Variants in CAMKMT observed in about 807,000 individuals in gnomAD.
CAMKMT encodes CaM KMT.
Under a neutral mutation model 48.0 loss-of-function variants are expected in CAMKMT, and 53 were observed. That is an observed-to-expected ratio of 1.10 (90% confidence interval 0.89 to 1.39). The LOEUF (loss-of-function observed/expected upper bound fraction) is 1.39, where lower values mean the gene tolerates loss of function less well. Ranked by LOEUF, CAMKMT falls within the 40% of genes most tolerant of loss-of-function variation. The pLI is 0.00. For missense variants in CAMKMT, 428 were observed against 402.7 expected, an observed-to-expected ratio of 1.06 and a Z score of -0.54; for synonymous variants, 165 against 152.3, an observed-to-expected ratio of 1.08 and a Z score of -0.61.
In CAMKMT at chr2:44,706,243, C is replaced by A. The variant is rs776668643; in HGVS notation, c.438-44C>A. On this transcript the variant is annotated intron_variant, in intron 4 of 10. Coordinates refer to ENST00000378494, the MANE Select transcript of CAMKMT (RefSeq NM_024766.5). ...ACATATATCTCTCTCTGACCATTTT[C>A]ATCTAATTTGTATGGGTTCTACCAT... 4 of 1,598,308 alleles carry A rather than the reference C, an allele frequency of 2.5e-6. No homozygotes were observed. In the East Asian group the frequency reaches 6.7e-5, roughly 27 times the overall value.
At chr2:44,675,704 AG>A (rs1675647304) in intron 3 of CAMKMT, among the ~76,000 whole-genome samples, 1 of 152,164 alleles carries the variant, frequency 6.6e-6, no homozygotes, top group African/African-American at 2.4e-5. Context: ...CATCATTTTA[AG>A]TGTACAGTTC....
At chr2:44,406,374 A>T (rs912883114) in intron 3 of CAMKMT, among the ~76,000 whole-genome samples, 2 of 152,088 alleles carry the variant, frequency 1.3e-5, no homozygotes, top group African/African-American at 4.8e-5. Context: ...GAGTTATAAT[A>T]AGTTTGATTT....
intron 3 of CAMKMT, among the ~76,000 whole-genome samples, chr2:44,554,648 A>T (rs1344999173): frequency 1.3e-5 from 2 of 152,132 alleles, no homozygotes; most frequent in African/African-American, 4.8e-5. Flanking sequence ...AGGTGGGAGG[A>T]TCACTTGAGC....
chr2:44,444,994 A>T (rs1045996061), intron 3 of CAMKMT, among the ~76,000 whole-genome samples: 1 of 152,184 alleles, frequency 6.6e-6, no homozygotes, highest in African/African-American at 2.4e-5. Context: ...AGAAAACTGG[A>T]TCTAAGGGAT....
chr2:44,472,009 AGGGGTTGGT>A (rs1668445040), intron 3 of CAMKMT, among the ~76,000 whole-genome samples: 1 of 152,154 alleles, frequency 6.6e-6, no homozygotes, highest in Non-Finnish European at 1.5e-5. Context: ...TAGTACTTTA[AGGGGTTGGT>A]ATGAAGATTT....
At chr2:44,740,315 C>T (rs577645515) in intron 7 of CAMKMT, among the ~76,000 whole-genome samples, 9 of 151,534 alleles carry the variant, frequency 5.9e-5, no homozygotes, top group East Asian at 5.8e-4. Flanking sequence ...TTTTTAGCAG[C>T]GAGGGGGTAT....
chr2:44,555,826 T>C (rs1019964669), intron 3 of CAMKMT, among the ~76,000 whole-genome samples: 2 of 152,068 alleles, frequency 1.3e-5, no homozygotes, highest in Admixed American at 1.3e-4. Flanking sequence ...TGGCCAACCA[T>C]GTCAAATCCT....
At chr2:44,504,739 G>A (rs1284980340) in intron 3 of CAMKMT, among the ~76,000 whole-genome samples, 1 of 152,110 alleles carries the variant, frequency 6.6e-6, no homozygotes, top group Non-Finnish European at 1.5e-5. Flanking sequence ...ATCTCTTAAT[G>A]TGCTTATTTT....
At chr2:44,647,080 C>G in intron 3 of CAMKMT, among the ~76,000 whole-genome samples, 1 of 152,096 alleles carries the variant, frequency 6.6e-6, no homozygotes, top group Non-Finnish European at 1.5e-5. Context: ...GGGCAGAACA[C>G]GAGGTCAGGA....
intron 3 of CAMKMT, among the ~76,000 whole-genome samples, chr2:44,490,755 TA>T (rs567004073): frequency 7.9e-5 from 12 of 152,192 alleles, no homozygotes; most frequent in Non-Finnish European, 1.6e-4. Flanking sequence ...CAATAAGATC[TA>T]AATTCAGCTT....
chr2:44,449,328 A>G (rs1667169675), intron 3 of CAMKMT, among the ~76,000 whole-genome samples: 1 of 152,122 alleles, frequency 6.6e-6, no homozygotes, highest in East Asian at 1.9e-4. Flanking sequence ...AAACCCATGC[A>G]TGTTATTTCA....
At chr2:44,373,319 C>T (rs913916253) in intron 2 of CAMKMT, among the ~76,000 whole-genome samples, 2 of 152,064 alleles carry the variant, frequency 1.3e-5, no homozygotes, top group Non-Finnish European at 2.9e-5. Context: ...AGAATAGAAT[C>T]AATCTTAAGA....
intron 7 of CAMKMT, among the ~76,000 whole-genome samples, chr2:44,730,315 T>C (rs1443914639): frequency 6.6e-6 from 1 of 152,238 alleles, no homozygotes; most frequent in Non-Finnish European, 1.5e-5. Context: ...TCAGGATACC[T>C]TCCCCAACTT....
intron 3 of CAMKMT, among the ~76,000 whole-genome samples, chr2:44,684,898 G>T (rs1260980064): frequency 6.6e-6 from 1 of 152,164 alleles, no homozygotes; most frequent in East Asian, 1.9e-4. Flanking sequence ...ACCTGTGATT[G>T]CATTTGTAGG....
intron 7 of CAMKMT, among the ~76,000 whole-genome samples, chr2:44,715,882 G>A (rs1285990400): frequency 2.6e-5 from 4 of 152,166 alleles, no homozygotes; most frequent in Non-Finnish European, 5.9e-5. Context: ...TGTCAATAGT[G>A]CCAACACTGA....
At chr2:44,563,110 A>T (rs2103701174) in intron 3 of CAMKMT, among the ~76,000 whole-genome samples, 1 of 152,116 alleles carries the variant, frequency 6.6e-6, no homozygotes, top group East Asian at 1.9e-4. Context: ...TTAAATTAAA[A>T]CTTACAAGGT....
At chr2:44,755,627 TCATTCG>T (rs1573236857) in intron 9 of CAMKMT, among the ~76,000 whole-genome samples, 1 of 152,102 alleles carries the variant, frequency 6.6e-6, no homozygotes, top group Non-Finnish European at 1.5e-5. Flanking sequence ...CTATTGTAAA[TCATTCG>T]CATGATTTAC....
At chr2:44,432,844 A>C (rs755242098) in intron 3 of CAMKMT, among the ~76,000 whole-genome samples, 1 of 151,514 alleles carries the variant, frequency 6.6e-6, no homozygotes, top group Non-Finnish European at 1.5e-5. Flanking sequence ...AAAAAAACAT[A>C]TGCTTTCCAA....
At chr2:44,506,848 A>C (rs1221888834) in intron 3 of CAMKMT, among the ~76,000 whole-genome samples, 1 of 152,164 alleles carries the variant, frequency 6.6e-6, no homozygotes, top group African/African-American at 2.4e-5. Context: ...TATTACTTTA[A>C]ATAATCAAGG....
Sources: gnomAD v4.1 joint callset for allele counts (sites outside exome capture counted in the v4.1 genomes callset) on GRCh38, gnomAD v4.1.1 for gene constraint, MANE v1.5 for transcripts, NCBI Gene and HGNC (gene_info 2026-07-23, HGNC 2026-07-21) for gene names.